The following RBM39 variants were observed in gnomAD, a reference collection of about 807,000 sequenced individuals.
RBM39 encodes the protein RNA-binding protein 39.
Under a neutral mutation model 79.6 loss-of-function variants are expected in RBM39, and 12 were observed. The ratio of observed to expected loss-of-function variants is 0.15; its 90% CI spans 0.10 to 0.24. The LOEUF (loss-of-function observed/expected upper bound fraction) is 0.24. Among genes scored for constraint, RBM39 ranks in the 10% least tolerant of loss-of-function variants. The probability of loss-of-function intolerance (pLI) is 1.00; values close to 1 mark genes in which losing one functional copy is unlikely to be tolerated. For synonymous variants in RBM39, 185 were observed against 208.4 expected (o/e 0.89, Z 0.97); for missense variants, 243 against 653.4 (o/e 0.37, Z 6.85).
intron 11 of RBM39, 117 bp downstream of exon 11, chr20:35,714,068 A>C (rs1363934857): frequency 3.1e-6 from 3 of 973,978 alleles, no homozygotes; most frequent in Non-Finnish European, 4.6e-6. Flanking sequence ...GTGACCAAGG[A>C]TAACGCCAAC....
rs1157897991 is a variant in RBM39, at chr20:35,702,018, C to T, written c.*2463G>A. The T allele has an allele frequency of 2.0e-5, 3 of 152,146 alleles. No individual in the cohort carries two copies. Among genetic ancestry groups the T allele is most frequent in the African/African-American group, 7.2e-5 (3 of 41,440 alleles). The allele number at this position is 152,146 out of a possible 1,614,324, so 9.4% of individuals were successfully genotyped here. A position where few individuals can be genotyped will look rare whatever the true frequency, so the allele number is the denominator to read the frequency against. Reference sequence around the variant, plus strand: ...GGCTAAATTCCAGATGATTTTCTAACCACTCATCAACAATCTATATAGCTT... The same window carrying T: ...GGCTAAATTCCAGATGATTTTCTAATCACTCATCAACAATCTATATAGCTT... On this transcript the variant is annotated 3_prime_UTR_variant, in exon 17 of 17. Coordinates refer to ENST00000253363, the MANE Select transcript of RBM39 (RefSeq NM_184234.3).
chr20:35,739,079 G>T, intron 2 of RBM39, 62 bp from the exon 3 acceptor site: 2 of 1,311,482 alleles, frequency 1.5e-6, no homozygotes, highest in Non-Finnish European at 2.2e-6. Flanking sequence ...AGTTGTCAAA[G>T]GGTAAAGGGA....
chr20:35,731,948 T>C lies in RBM39; in HGVS notation c.289A>G (p.Ser97Gly). The C allele has an allele frequency of 6.2e-7, 1 of 1,613,854 alleles. No homozygotes were observed. Among genetic ancestry groups the C allele is most frequent in the Non-Finnish European group, 8.5e-7 (1 of 1,180,004 alleles). Residue 97 changes from serine to glycine, a missense_variant, in exon 4 of 17, where the codon AGT becomes GGT. Physicochemically the swap from Ser to Gly is moderately conservative, Grantham distance 56. Around this residue, in one of 4 missense-constraint regions of RBM39, gnomAD observed 115 missense variants for 184.1 expected, o/e 0.62. Coordinates refer to ENST00000253363, the MANE Select transcript of RBM39 (RefSeq NM_184234.3). The part of the protein sequence containing the change: ...RDRRFRGRYR[S>G]PYSGPKFNSA... ...ATAACTATAGTTACATACTAAGGAC[T>C]TCTGTAGCGGCCTCTAAATCTTCGA...
intron 12 of RBM39, among the ~76,000 whole-genome samples, chr20:35,711,227 T>C (rs566116056): frequency 6.6e-6 from 1 of 152,186 alleles, no homozygotes; most frequent in South Asian, 2.1e-4. Flanking sequence ...ACCTAGAACA[T>C]GAACTAAAAA....
chr20:35,716,918 A>G (rs1428072720), intron 9 of RBM39, 113 bp from the exon 10 acceptor site: 5 of 654,210 alleles, frequency 7.6e-6, no homozygotes, highest in Non-Finnish European at 1.3e-5. Context: ...AAAATAGAAG[A>G]CTTATCACAA....
intron 2 of RBM39, 154 bp downstream of exon 2, chr20:35,740,670 T>C (rs2040405115): frequency 1.6e-6 from 2 of 1,286,940 alleles, no homozygotes; most frequent in African/African-American, 3.0e-5. Context: ...ATTACATCAA[T>C]AGCATATATT....
intron 10 of RBM39, 69 bp from the exon 11 acceptor site, chr20:35,714,458 AT>A: frequency 1.4e-6 from 2 of 1,448,334 alleles, no homozygotes; most frequent in Non-Finnish European, 1.8e-6. Context: ...ATACTTAAAA[AT>A]ATATTTATAT....
intron 13 of RBM39, among the ~76,000 whole-genome samples, chr20:35,708,635 C>T (rs1031069118): frequency 2.6e-5 from 4 of 152,108 alleles, no homozygotes; most frequent in African/African-American, 4.8e-5. Context: ...CTTACATTAA[C>T]AGCAAAATGC....
At chr20:35,712,872 A>T in intron 12 of RBM39, 147 bp downstream of exon 12, 1 of 613,622 alleles carries the variant, frequency 1.6e-6, no homozygotes, top group Non-Finnish European at 2.7e-6. Flanking sequence ...CTATGTCTCC[A>T]CTTCCTTAAA....
Position 35,738,949 on chromosome 20 carries a change from G to C in RBM39, c.101+19C>G. 3 of 1,602,482 alleles carry C rather than the reference G, an allele frequency of 1.9e-6. No homozygotes were observed. The highest frequency in any genetic ancestry group is 2.6e-6 in the Non-Finnish European group (3 of 1,169,510). On this transcript the variant is annotated intron_variant, in intron 3 of 16. Transcript: ENST00000253363. ...AAAAAAGCTCACCACCCTCCCCCAA[G>C]CCCCTTCTTAAAACTCACTTTTTGC...
intron 3 of RBM39, among the ~76,000 whole-genome samples, chr20:35,736,261 T>G (rs958827692): frequency 6.6e-6 from 1 of 152,166 alleles, no homozygotes; most frequent in Non-Finnish European, 1.5e-5. Flanking sequence ...CTCTGGTTGG[T>G]TGCATCAGAT....
chr20:35,721,578 T>C (rs145732654), intron 9 of RBM39, among the ~76,000 whole-genome samples, 162 bp downstream of exon 9: 2 of 152,258 alleles, frequency 1.3e-5, no homozygotes, highest in African/African-American at 4.8e-5. Context: ...ATCTATCAAG[T>C]GACCTATTTT....
At chr20:35,709,054 G>T in intron 13 of RBM39, 170 bp downstream of exon 13, 1 of 487,082 alleles carries the variant, frequency 2.1e-6, no homozygotes. Flanking sequence ...TTTGGGTTAG[G>T]TCTTCTGAAA....
Position 35,706,265 on chromosome 20 carries a change from G to A in RBM39, c.1307+855C>T, listed in dbSNP as rs539789974. 1.2e-3 allele frequency among the ~76,000 whole-genome samples: 177 copies of A among 152,292 alleles called. 4 individuals are homozygous for A. Among genetic ancestry groups the A allele is most frequent in the African/African-American group, 4.1e-3 (171 of 41,548 alleles). ...GAGAACTGCTTGAACCTGGGAGATG[G>A]AGGTTGCAGTGAGCTAAGATAGAGC... is the stretch of plus-strand genomic sequence containing the variant. On this transcript the variant is annotated intron_variant, in intron 14 of 16. Transcript: ENST00000253363.
At chr20:35,718,194 C>G (rs2037408390) in intron 9 of RBM39, among the ~76,000 whole-genome samples, 1 of 150,842 alleles carries the variant, frequency 6.6e-6, no homozygotes, top group South Asian at 2.1e-4. Context: ...TATATTTTAC[C>G]AAAATTTTAA....
chr20:35,734,964 C>G, intron 3 of RBM39: 1 of 1,607,622 alleles, frequency 6.2e-7, no homozygotes, highest in Non-Finnish European at 8.5e-7. Flanking sequence ...AGTAAATGGT[C>G]CACTGGGCTG....
At position 35,741,035 on chromosome 20, in the gene RBM39, T is replaced by TTTTTC. The variant is rs1370356422; in HGVS notation, c.-13-149_-13-148insGAAAA. ...TTCCGTGAGTAAACATTTTTCTTTT[T>TTTTTC]TTTTTTTTTTTTTTTTGAGACGGAG... On this transcript the variant is annotated intron_variant, in intron 1 of 16. Transcript: ENST00000253363. 1,624 of 340,412 alleles carry TTTTTC rather than the reference T, an allele frequency of 4.8e-3. 75 individuals are homozygous for TTTTTC. Among genetic ancestry groups the TTTTTC allele is most frequent in the Middle Eastern group, 0.02 (26 of 1,290 alleles). 21.1% of individuals were successfully genotyped at this position (340,412 alleles called of 1,614,324 possible).
At chr20:35,734,974 G>A (rs746785610) in intron 3 of RBM39, 116 of 1,610,262 alleles carry the variant, frequency 7.2e-5, no homozygotes, top group Non-Finnish European at 9.5e-5. Flanking sequence ...CCACTGGGCT[G>A]GGCCTTTGGA....
intron 14 of RBM39, 75 bp from the exon 15 acceptor site, chr20:35,705,405 T>C: frequency 1.2e-6 from 1 of 837,776 alleles, no homozygotes; most frequent in Non-Finnish European, 1.8e-6. Context: ...TATCAAAAAA[T>C]TTAAATATTC....
Sources: gnomAD v4.1 joint callset for allele counts (sites outside exome capture counted in the v4.1 genomes callset) on GRCh38, gnomAD v4.1.1 for gene constraint, gnomAD v4.1.1 regional missense constraint, MANE v1.5 for transcripts, NCBI Gene and HGNC (gene_info 2026-07-23, HGNC 2026-07-21) for gene names.